KLHL32: variants seen among roughly 807,000 people sequenced by gnomAD.
KLHL32 encodes the protein kelch-like protein 32.
A neutral mutation model predicts 64.8 loss-of-function variants in KLHL32; 35 were observed. That is an observed-to-expected ratio of 0.54 (90% CI 0.41 to 0.72). The LOEUF (loss-of-function observed/expected upper bound fraction) is 0.72. Among genes scored for constraint, KLHL32 ranks in the 30% least tolerant of loss-of-function variants. The probability of loss-of-function intolerance (pLI) is 0.00; values close to 1 mark genes in which losing one functional copy is unlikely to be tolerated. For missense variants in KLHL32, 589 were observed against 768.5 expected (o/e 0.77, Z 2.76); for synonymous variants, 259 against 281.0 (o/e 0.92, Z 0.78).
intron 1 of KLHL32, among the ~76,000 whole-genome samples, chr6:96,942,238 G>T (rs973536931): frequency 2.0e-5 from 3 of 152,210 alleles, no homozygotes; most frequent in African/African-American, 7.2e-5. Context: ...GGTCAGTCCA[G>T]ACTGGTGCTG....
Position 97,056,829 on chromosome 6 carries a change from C to T in KLHL32, c.313-7799C>T, listed in dbSNP as rs578167234. On this transcript the variant is annotated intron_variant, in intron 4 of 10. Coordinates refer to ENST00000369261, the MANE Select transcript of KLHL32 (RefSeq NM_052904.4). ...CAAAGCAGAAAGATCGTTTGAGCCCCGGAGCTCGACACCAGGCTGGGCAAC... is the reference window on the plus strand; with the variant it reads ...CAAAGCAGAAAGATCGTTTGAGCCCTGGAGCTCGACACCAGGCTGGGCAAC... Among the ~76,000 whole-genome samples the T allele has an allele frequency of 8.5e-5, 13 of 152,174 alleles. 1 individual carries two copies. The South Asian group carries it at 2.3e-3, about 27-fold the overall frequency.
chr6:97,046,643 T>C (rs1785969858), intron 4 of KLHL32, among the ~76,000 whole-genome samples: 1 of 152,204 alleles, frequency 6.6e-6, no homozygotes, highest in South Asian at 2.1e-4. Context: ...TAATTTGTAA[T>C]AAATCTATTT....
At chr6:96,991,967 G>A (rs1582622026) in intron 3 of KLHL32, among the ~76,000 whole-genome samples, 3 of 151,970 alleles carry the variant, frequency 2.0e-5, no homozygotes, top group South Asian at 2.1e-4. Flanking sequence ...CCAGCCTGAG[G>A]GCAGCAAGAG....
intron 8 of KLHL32, among the ~76,000 whole-genome samples, chr6:97,130,471 A>C (rs1286775379): frequency 6.6e-6 from 1 of 152,188 alleles, no homozygotes; most frequent in African/African-American, 2.4e-5. Flanking sequence ...ACATCATGAA[A>C]ATTTCAATGT....
intron 4 of KLHL32, among the ~76,000 whole-genome samples, chr6:97,053,081 G>T (rs1169946930): frequency 6.8e-6 from 1 of 148,012 alleles, no homozygotes; most frequent in Non-Finnish European, 1.5e-5. Flanking sequence ...TATGAGGATG[G>T]ATACACACAC....
intron 1 of KLHL32, among the ~76,000 whole-genome samples, chr6:96,929,084 G>T (rs967284092): frequency 2.6e-5 from 4 of 152,176 alleles, no homozygotes; most frequent in Non-Finnish European, 4.4e-5. Context: ...AGTTAGACTT[G>T]CATTTAACTA....
chr6:97,135,099 C>G lies in KLHL32; in HGVS notation c.1701+2352C>G, dbSNP rs116458154. Among the ~76,000 whole-genome samples, 971 of 151,970 alleles carry G rather than the reference C, an allele frequency of 6.4e-3. 15 individuals are homozygous for G. Among genetic ancestry groups the G allele is most frequent in the African/African-American group, 0.022 (932 of 41,424 alleles). Reference sequence around the variant, plus strand: ...TTCAATTATTTTTTTAAGTCAACACCTGTATTAGTGGAATAAGTTTCACCT... The same window carrying G: ...TTCAATTATTTTTTTAAGTCAACACGTGTATTAGTGGAATAAGTTTCACCT... On this transcript the variant is annotated intron_variant, in intron 10 of 10. Transcript: ENST00000369261.
At chr6:96,905,332 G>A in the KLHL32 span, among the ~76,000 whole-genome samples, 1 of 152,296 alleles carries the variant, frequency 6.6e-6, no homozygotes, top group Admixed American at 6.5e-5. Flanking sequence ...TGTAACCAAA[G>A]CATTTTACCT....
intron 4 of KLHL32, among the ~76,000 whole-genome samples, chr6:97,055,774 G>T (rs371577539): frequency 1.9e-5 from 2 of 106,792 alleles, no homozygotes; most frequent in East Asian, 5.3e-4. Flanking sequence ...CCCCAGCCGA[G>T]GTAACAGACT....
intron 3 of KLHL32, among the ~76,000 whole-genome samples, chr6:97,005,879 T>A (rs1779605924): frequency 6.6e-6 from 1 of 152,088 alleles, no homozygotes. Context: ...TTTTTTTAAT[T>A]TTCTGAGGAT....
intron 1 of KLHL32, among the ~76,000 whole-genome samples, chr6:96,943,065 ACACACT>A (rs1461640637): frequency 4.7e-4 from 67 of 143,978 alleles, no homozygotes; most frequent in African/African-American, 1.8e-3. Context: ...ACACACACAC[ACACACT>A]CTGTACATAC....
intron 7 of KLHL32, among the ~76,000 whole-genome samples, chr6:97,115,851 T>A (rs1264504146): frequency 1.3e-5 from 2 of 152,234 alleles, no homozygotes; most frequent in African/African-American, 4.8e-5. Flanking sequence ...ATAACCCTGA[T>A]GTTTGTACTT....
intron 4 of KLHL32, among the ~76,000 whole-genome samples, chr6:97,055,796 T>TTAAAAAAAAAAAAAA: frequency 1.2e-5 from 1 of 81,056 alleles, no homozygotes; most frequent in South Asian, 5.0e-4. Flanking sequence ...AGAACCTGTC[T>TTAAAAAAAAAAAAAA]AAAAAAAAAA....
intron 6 of KLHL32, among the ~76,000 whole-genome samples, chr6:97,091,722 G>A (rs779412575): frequency 1.3e-5 from 2 of 152,158 alleles, no homozygotes; most frequent in African/African-American, 2.4e-5. Flanking sequence ...TCAATGCTTT[G>A]CTTATTGTTA....
chr6:97,070,609 G>A (rs138817390), intron 5 of KLHL32, among the ~76,000 whole-genome samples: 3 of 152,252 alleles, frequency 2.0e-5, no homozygotes, highest in East Asian at 1.9e-4. Context: ...CTGTATCTTC[G>A]TTTGTGAGGA....
At chr6:96,989,846 C>G (rs1421527148) in intron 3 of KLHL32, among the ~76,000 whole-genome samples, 1 of 152,166 alleles carries the variant, frequency 6.6e-6, no homozygotes, top group African/African-American at 2.4e-5. Context: ...CCTTCAAGCT[C>G]TGAGATTCTC....
At chr6:96,979,540 G>A (rs925307944) in intron 3 of KLHL32, among the ~76,000 whole-genome samples, 1 of 152,046 alleles carries the variant, frequency 6.6e-6, no homozygotes, top group African/African-American at 2.4e-5. Context: ...GGTTATTGTA[G>A]CCTTGTAGTA....
intron 10 of KLHL32, among the ~76,000 whole-genome samples, chr6:97,133,204 A>G (rs112963951): frequency 0.013 from 1,988 of 152,318 alleles, 46 homozygotes; most frequent in African/African-American, 0.044. Context: ...GTAGTGGTTT[A>G]TGACTGGTCT....
At chr6:97,045,065 T>C (rs988701543) in intron 4 of KLHL32, among the ~76,000 whole-genome samples, 1 of 152,176 alleles carries the variant, frequency 6.6e-6, no homozygotes, top group African/African-American at 2.4e-5. Context: ...TTTCTGGAGT[T>C]AGTAGAATTT....
Sources: gnomAD v4.1 joint callset for allele counts (sites outside exome capture counted in the v4.1 genomes callset) on GRCh38, gnomAD v4.1.1 for gene constraint, MANE v1.5 for transcripts, NCBI Gene and HGNC (gene_info 2026-07-23, HGNC 2026-07-21) for gene names.